Variants in NALCN observed in about 807,000 individuals in gnomAD.
NALCN encodes sodium leak channel, non-selective.
In NALCN, 111 loss-of-function variants were observed where a neutral mutation model predicts 225.3. The ratio of observed to expected loss-of-function variants is 0.49; its 90% CI spans 0.42 to 0.58. NALCN has a LOEUF of 0.58. Ranked by LOEUF, NALCN falls within the 20% of genes least tolerant of loss-of-function variation. The pLI is 0.00. For missense variants in NALCN, 1,378 were observed against 2,202.4 expected, an observed-to-expected ratio of 0.63 and a Z score of 7.49; for synonymous variants, 764 against 769.0, an observed-to-expected ratio of 0.99 and a Z score of 0.11.
chr13:101,308,434 G>C (rs2044226080), intron 7 of NALCN, among the ~76,000 whole-genome samples: 1 of 152,206 alleles, frequency 6.6e-6, no homozygotes, highest in Non-Finnish European at 1.5e-5. Context: ...GAGAGTAAGT[G>C]TTGAGTTTGG....
intron 7 of NALCN, among the ~76,000 whole-genome samples, chr13:101,295,344 A>C (rs2043705828): frequency 6.6e-6 from 1 of 152,248 alleles, no homozygotes; most frequent in African/African-American, 2.4e-5. Context: ...GAAACCAAAC[A>C]GTGGCTACAG....
chr13:101,339,790 G>A (rs1443247341), intron 7 of NALCN, among the ~76,000 whole-genome samples: 2 of 152,196 alleles, frequency 1.3e-5, no homozygotes, highest in African/African-American at 4.8e-5. Context: ...CGGGCTAAAT[G>A]TTGATCAGAT....
intron 17 of NALCN, among the ~76,000 whole-genome samples, chr13:101,129,878 C>G (rs116594638): frequency 0.034 from 5,197 of 152,006 alleles, 236 homozygotes; most frequent in African/African-American, 0.11. Context: ...CCTTGCCCCC[C>G]ACCCCGATAG....
At position 101,080,761 on chromosome 13, in the gene NALCN, AATT is replaced by A. The variant is rs536544765; in HGVS notation, c.3885+763_3885+765del. On this transcript the variant is annotated intron_variant, in intron 34 of 43. Transcript: ENST00000251127. ...AAATATATTACATAATTAAATAATT[AATT>A]ATTATTTATTTAATAATTATTAACA... Among the ~76,000 whole-genome samples the A allele has an allele frequency of 6.8e-4, 86 of 125,966 alleles. 1 individual carries two copies. The South Asian group carries it at 0.01, about 15-fold the overall frequency. The allele number at this position is 125,966 out of a possible 152,430, so 82.6% of individuals were successfully genotyped here.
At chr13:101,299,620 G>C (rs932723661) in intron 7 of NALCN, among the ~76,000 whole-genome samples, 1 of 152,184 alleles carries the variant, frequency 6.6e-6, no homozygotes, top group Non-Finnish European at 1.5e-5. Context: ...CAGCTCAGTA[G>C]CCTCTACAAT....
intron 18 of NALCN, among the ~76,000 whole-genome samples, chr13:101,122,547 C>T (rs995826762): frequency 6.6e-6 from 1 of 152,160 alleles, no homozygotes. Context: ...AACAAAAACA[C>T]TTCTGTATAT....
At chr13:101,414,979 CT>C (rs2047893339) in intron 1 of NALCN, among the ~76,000 whole-genome samples, 1 of 147,572 alleles carries the variant, frequency 6.8e-6, no homozygotes, top group Non-Finnish European at 1.5e-5. Flanking sequence ...GAAAAATCGA[CT>C]CTAGAAAAGC....
chr13:101,151,696 TAG>T (rs1353739498), intron 15 of NALCN, among the ~76,000 whole-genome samples: 2 of 152,214 alleles, frequency 1.3e-5, no homozygotes, highest in Admixed American at 6.5e-5. Context: ...ATTCAGAACA[TAG>T]AGTCTTGCTA....
chr13:101,349,782 C>A (rs748310232), intron 6 of NALCN, among the ~76,000 whole-genome samples: 1 of 152,144 alleles, frequency 6.6e-6, no homozygotes, highest in South Asian at 2.1e-4. Context: ...TCCTTTACAT[C>A]GTTGTAGAGT....
At chr13:101,163,267 TA>T (rs1326696197) in intron 15 of NALCN, among the ~76,000 whole-genome samples, 1 of 152,072 alleles carries the variant, frequency 6.6e-6, no homozygotes, top group Non-Finnish European at 1.5e-5. Flanking sequence ...AGAATGAAAA[TA>T]ATTCTGAATT....
At chr13:101,083,664 G>T (rs746112983) in intron 31 of NALCN, 47 bp downstream of exon 31, 1 of 1,564,632 alleles carries the variant, frequency 6.4e-7, no homozygotes. Context: ...CTGGGGAATC[G>T]TGCACACTAG....
intron 6 of NALCN, among the ~76,000 whole-genome samples, chr13:101,354,519 AC>A (rs992767694): frequency 1.3e-5 from 2 of 152,166 alleles, no homozygotes; most frequent in African/African-American, 4.8e-5. Context: ...GGAACTGGAA[AC>A]TACAGGGTGA....
chr13:101,096,137 T>C (rs570708767), intron 27 of NALCN, among the ~76,000 whole-genome samples: 14 of 152,226 alleles, frequency 9.2e-5, no homozygotes, highest in African/African-American at 3.4e-4. Flanking sequence ...TGTAGAATGG[T>C]GCAACCACTT....
rs1404853583 is a variant in NALCN, at chr13:101,144,885, A to G, written c.1851T>C (p.Ser617=). The change falls in exon 16 of 44, where the codon AGT becomes AGC. Residue 617 remains serine, a synonymous_variant. Coordinates refer to ENST00000251127, the MANE Select transcript of NALCN (RefSeq NM_052867.4). ...DLKKLKQLKQ[S]EANADTKEKL... is the part of the protein sequence containing the mutation. The stretch of plus-strand genomic sequence containing the variant: ...TTTCTTTGGTGTCCGCATTTGCTTC[A>G]CTTTGCTTTAACTAAAGAAAAATTG... 6.2e-7 allele frequency: 1 copy of G among 1,608,746 alleles called. No individual in the cohort carries two copies. Among genetic ancestry groups the G allele is most frequent in the Non-Finnish European group, 8.5e-7 (1 of 1,178,454 alleles).
intron 7 of NALCN, among the ~76,000 whole-genome samples, chr13:101,295,838 T>C (rs565574): frequency 0.55 from 83,451 of 152,174 alleles, 23,245 homozygotes; most frequent in African/African-American, 0.64. Context: ...TTACTACTCC[T>C]GGCTTTGCCA....
intron 7 of NALCN, among the ~76,000 whole-genome samples, chr13:101,314,227 G>A (rs1171400831): frequency 6.0e-5 from 9 of 150,946 alleles, no homozygotes; most frequent in African/African-American, 2.0e-4. Context: ...CGAGTTAATG[G>A]GTGCAGCACA....
At chr13:101,099,957 C>T (rs780373854) in intron 27 of NALCN, among the ~76,000 whole-genome samples, 1 of 152,120 alleles carries the variant, frequency 6.6e-6, no homozygotes, top group Non-Finnish European at 1.5e-5. Context: ...GCAATATATA[C>T]ATTTCATTAT....
intron 6 of NALCN, among the ~76,000 whole-genome samples, chr13:101,352,842 A>G (rs1195982807): frequency 6.6e-6 from 1 of 152,232 alleles, no homozygotes; most frequent in Non-Finnish European, 1.5e-5. Context: ...TTAAAAAGCT[A>G]AAGACAAACA....
intron 15 of NALCN, among the ~76,000 whole-genome samples, chr13:101,146,521 C>G (rs2037351816): frequency 6.6e-6 from 1 of 152,134 alleles, no homozygotes; most frequent in Admixed American, 6.6e-5. Context: ...CAGGAAGAGT[C>G]TTGTTTTCTA....
Sources: allele counts gnomAD v4.1 joint callset (sites outside exome capture counted in the v4.1 genomes callset), GRCh38; gene constraint gnomAD v4.1.1; transcripts MANE v1.5; gene names NCBI Gene and HGNC (gene_info 2026-07-23, HGNC 2026-07-21).